Variants in PKD1L3 observed in about 807,000 individuals in gnomAD.
PKD1L3 encodes the protein polycystin-1-like protein 3.
A neutral mutation model predicts 184.1 loss-of-function variants in PKD1L3; 239 were observed. That is an observed-to-expected ratio of 1.30 (90% confidence interval 1.17 to 1.45). The LOEUF (loss-of-function observed/expected upper bound fraction) is 1.45, where lower values mean the gene tolerates loss of function less well. PKD1L3 is among the 40% of genes most tolerant of loss of function. PKD1L3 has a pLI of 0.00. For missense variants in PKD1L3, 2,660 were observed against 2,067.2 expected (o/e 1.29, Z -5.56); for synonymous variants, 996 against 778.8 (o/e 1.28, Z -4.64).
chr16:71,982,278 C>CTTTTT (rs35324670), intron 6 of PKD1L3, 43 bp from the exon 7 acceptor site: 75 of 432,704 alleles, frequency 1.7e-4, no homozygotes, highest in South Asian at 2.7e-4. Flanking sequence ...GAATTGTTTG[C>CTTTTT]TTTTTTTTTT....
At position 71,992,189 on chromosome 16, in the gene PKD1L3, TA is replaced by T. The variant is rs774515339; in HGVS notation, c.535+1026del. Among the ~76,000 whole-genome samples the T allele has an allele frequency of 1.8e-4, 27 of 152,238 alleles. 1 individual carries two copies. The highest frequency in any genetic ancestry group is 9.8e-4 in the Admixed American group (15 of 15,288). On this transcript the variant is annotated intron_variant, in intron 3 of 29. Coordinates refer to ENST00000620267, the MANE Select transcript of PKD1L3 (RefSeq NM_181536.2). ...GGGGAGATCCAGCCCGCAAACTTTT[TA>T]AAGGACCCTACGTACATAAATATTA...
intron 7 of PKD1L3, among the ~76,000 whole-genome samples, chr16:71,981,352 G>T (rs8051431): frequency 1.3e-5 from 2 of 151,402 alleles, no homozygotes; most frequent in Non-Finnish European, 2.9e-5. Flanking sequence ...CAATGGATAG[G>T]GTGGCAAGTT....
At chr16:71,954,727 C>A (rs1188499904) in intron 16 of PKD1L3, among the ~76,000 whole-genome samples, 1 of 152,054 alleles carries the variant, frequency 6.6e-6, no homozygotes, top group Non-Finnish European at 1.5e-5. Context: ...AAAGAAAGAA[C>A]CAAAAAGACT....
At chr16:71,943,921 TAA>T (rs1272818281) in intron 23 of PKD1L3, 107 bp downstream of exon 23, 2 of 1,310,262 alleles carry the variant, frequency 1.5e-6, no homozygotes, top group Non-Finnish European at 2.1e-6. Flanking sequence ...GTGAAGATTT[TAA>T]AAGACAGCTT....
At chr16:71,962,828 ACTTTC>A (rs757391126) in intron 16 of PKD1L3, among the ~76,000 whole-genome samples, 1 of 152,084 alleles carries the variant, frequency 6.6e-6, no homozygotes, top group Non-Finnish European at 1.5e-5. Context: ...GCCCTCTAAT[ACTTTC>A]CTTTATTTTT....
chr16:71,943,551 A>AAC (rs2038441526), intron 23 of PKD1L3, among the ~76,000 whole-genome samples: 1 of 151,664 alleles, frequency 6.6e-6, no homozygotes, highest in South Asian at 2.1e-4. Flanking sequence ...AAAAAAAAAA[A>AAC]AAAAAAACAT....
At chr16:71,965,258 C>A (rs954372835) in intron 15 of PKD1L3, among the ~76,000 whole-genome samples, 4 of 152,198 alleles carry the variant, frequency 2.6e-5, no homozygotes, top group African/African-American at 9.6e-5. Context: ...TACATTGAAT[C>A]AATACACTAA....
At chr16:71,945,323 TATATACACAC>T (rs2038548577) in intron 22 of PKD1L3, among the ~76,000 whole-genome samples, 2 of 63,880 alleles carry the variant, frequency 3.1e-5, no homozygotes, top group East Asian at 9.0e-4. Context: ...CACACACACA[TATATACACAC>T]ACACACACAT....
In PKD1L3 at chr16:71,933,501, G is replaced by T; in HGVS notation, c.4845C>A (p.Cys1615Ter). The change falls in exon 28 of 30, where the codon TGC becomes TGA. Residue 1615 changes from cysteine (C) to a stop codon, truncating the protein, a stop_gained. Coordinates refer to ENST00000620267, the MANE Select transcript of PKD1L3 (RefSeq NM_181536.2). LOFTEE classifies it high-confidence loss of function. Reference protein sequence around the residue: ...YAIAFNLLFGCSISDYRTFFS... With the variant: ...YAIAFNLLFG ...AAAATGTCCGGTAGTCAGAGATGCTGCATCCAAACAGCAGGTTAAACTGAA... is the reference window on the plus strand; with the variant it reads ...AAAATGTCCGGTAGTCAGAGATGCTTCATCCAAACAGCAGGTTAAACTGAA... 6.4e-7 allele frequency: 1 copy of T among 1,551,436 alleles called. No homozygotes were observed.
intron 22 of PKD1L3, among the ~76,000 whole-genome samples, chr16:71,946,650 C>T (rs1017054792): frequency 4.7e-5 from 7 of 150,286 alleles, no homozygotes; most frequent in African/African-American, 1.5e-4. Context: ...TTATGTACTC[C>T]GACTTTTTCA....
Position 71,969,882 on chromosome 16 carries a change from A to C in PKD1L3, c.2177T>G (p.Met726Arg), listed in dbSNP as rs771416662. ...AAATCAAAGTCTCATTACCTTCTGC[A>C]TATCTGCTTGATCCTTTTTCCGAGC... ...VWARKKDQAD[M>R]QKVKVTVLAD... Residue 726 changes from methionine to arginine, a missense_variant, in exon 13 of 30, where the codon ATG becomes AGG. Transcript: ENST00000620267. 5 of 1,547,796 alleles carry C rather than the reference A, an allele frequency of 3.2e-6. No individual in the cohort carries two copies. The highest frequency in any genetic ancestry group is 4.4e-6 in the Non-Finnish European group (5 of 1,143,444).
At chr16:71,953,168 T>A in intron 17 of PKD1L3, 75 bp from the exon 18 acceptor site, 2 of 1,241,314 alleles carry the variant, frequency 1.6e-6, no homozygotes, top group Non-Finnish European at 2.1e-6. Flanking sequence ...CTCCTAGGTT[T>A]AACTATTTAC....
chr16:71,953,583 G>A (rs1331044028), intron 17 of PKD1L3, among the ~76,000 whole-genome samples: 2 of 152,206 alleles, frequency 1.3e-5, no homozygotes, highest in Admixed American at 1.3e-4. Flanking sequence ...AGAGTGACAG[G>A]GGAACTGCCA....
intron 12 of PKD1L3, 58 bp downstream of exon 12, chr16:71,973,266 T>C (rs927949284): frequency 3.5e-5 from 52 of 1,505,378 alleles, no homozygotes; most frequent in Middle Eastern, 2.1e-4. Flanking sequence ...AACGGATGCA[T>C]TGGGCTTAAC....
At chr16:71,971,990 G>A (rs1211970652) in intron 12 of PKD1L3, among the ~76,000 whole-genome samples, 1 of 152,140 alleles carries the variant, frequency 6.6e-6, no homozygotes, top group Admixed American at 6.5e-5. Flanking sequence ...GCCGAGGCAG[G>A]CGGATCACGA....
At chr16:71,953,757 C>T (rs533430718) in intron 17 of PKD1L3, among the ~76,000 whole-genome samples, 2 of 152,280 alleles carry the variant, frequency 1.3e-5, no homozygotes, top group African/African-American at 4.8e-5. Flanking sequence ...GAGAAACTGC[C>T]CCCATGATCC....
At chr16:71,955,168 G>A (rs2038996120) in intron 16 of PKD1L3, among the ~76,000 whole-genome samples, 2 of 152,072 alleles carry the variant, frequency 1.3e-5, no homozygotes, top group Admixed American at 6.6e-5. Context: ...CATATAATAA[G>A]GCCCAGTTCT....
intron 6 of PKD1L3, among the ~76,000 whole-genome samples, chr16:71,983,257 C>T (rs1195203346): frequency 6.6e-6 from 1 of 152,146 alleles, no homozygotes; most frequent in African/African-American, 2.4e-5. Flanking sequence ...AACCATCCTC[C>T]CATCTCAGCC....
chr16:71,978,242 A>T lies in PKD1L3; in HGVS notation c.1527+13T>A. 1 of 1,546,590 alleles carries T rather than the reference A, an allele frequency of 6.5e-7. No homozygotes were observed. The highest frequency in any genetic ancestry group is 8.7e-7 in the Non-Finnish European group (1 of 1,143,428). Reference sequence around the variant, plus strand: ...ATTCTCTTCTATTTTATTCCCTAAGAATCAGTTCCTACCTCAATGTCCTCC... The same window carrying T: ...ATTCTCTTCTATTTTATTCCCTAAGTATCAGTTCCTACCTCAATGTCCTCC... On this transcript the variant is annotated intron_variant, in intron 10 of 29. Coordinates refer to ENST00000620267, the MANE Select transcript of PKD1L3 (RefSeq NM_181536.2).
Sources: allele counts gnomAD v4.1 joint callset (sites outside exome capture counted in the v4.1 genomes callset), GRCh38; gene constraint gnomAD v4.1.1; transcripts MANE v1.5; gene names NCBI Gene and HGNC (gene_info 2026-07-23, HGNC 2026-07-21).